Variants in EXOC6B observed in about 807,000 individuals in gnomAD.
EXOC6B encodes exocyst complex component 6B, also known as SEC15 homolog B.
Under a neutral mutation model 113.5 loss-of-function variants are expected in EXOC6B, and 54 were observed. The ratio of observed to expected loss-of-function variants is 0.48; its 90% CI spans 0.38 to 0.60. EXOC6B has a LOEUF of 0.60. Among genes scored for constraint, EXOC6B ranks in the 20% least tolerant of loss-of-function variants. The probability of loss-of-function intolerance (pLI) is 0.00; values close to 1 mark genes in which losing one functional copy is unlikely to be tolerated. For missense variants in EXOC6B, 797 were observed against 977.5 expected, an observed-to-expected ratio of 0.82 and a Z score of 2.46; for synonymous variants, 357 against 339.0, an observed-to-expected ratio of 1.05 and a Z score of -0.58.
chr2:72,373,058 G>T (rs914902650), intron 19 of EXOC6B, among the ~76,000 whole-genome samples: 1 of 151,170 alleles, frequency 6.6e-6, no homozygotes, highest in African/African-American at 2.4e-5. Flanking sequence ...TATCAGTCTC[G>T]GAAGACTTTT....
At chr2:72,252,696 G>A (rs1683099345) in intron 20 of EXOC6B, among the ~76,000 whole-genome samples, 1 of 152,096 alleles carries the variant, frequency 6.6e-6, no homozygotes, top group South Asian at 2.1e-4. Flanking sequence ...TACACATTAA[G>A]CACATTGACA....
intron 6 of EXOC6B, among the ~76,000 whole-genome samples, chr2:72,585,778 G>A (rs549264683): frequency 9.2e-5 from 14 of 151,868 alleles, no homozygotes; most frequent in African/African-American, 2.9e-4. Context: ...GACCAATATC[G>A]AGTTCCAAAA....
At chr2:72,796,742 T>C (rs971644855) in intron 1 of EXOC6B, among the ~76,000 whole-genome samples, 1 of 152,102 alleles carries the variant, frequency 6.6e-6, no homozygotes. Flanking sequence ...ATAGGCCCTC[T>C]ACCTTGCACG....
At chr2:72,545,604 T>C (rs1026434638) in intron 8 of EXOC6B, among the ~76,000 whole-genome samples, 7 of 152,176 alleles carry the variant, frequency 4.6e-5, no homozygotes, top group Non-Finnish European at 1.0e-4. Flanking sequence ...CATAACGAGG[T>C]GTTTTCCCCA....
At chr2:72,814,242 C>T (rs560701820) in intron 1 of EXOC6B, among the ~76,000 whole-genome samples, 229 of 152,314 alleles carry the variant, frequency 1.5e-3, no homozygotes, top group African/African-American at 5.4e-3. Flanking sequence ...TGGCCTTCAT[C>T]ATTTATCTAA....
chr2:72,623,396 G>A (rs1671863938), intron 6 of EXOC6B, among the ~76,000 whole-genome samples: 1 of 152,102 alleles, frequency 6.6e-6, no homozygotes, highest in Admixed American at 6.6e-5. Context: ...CATTTATTTA[G>A]ACACCAGGGT....
At chr2:72,526,484 A>T (rs1701750503) in intron 8 of EXOC6B, among the ~76,000 whole-genome samples, 1 of 152,034 alleles carries the variant, frequency 6.6e-6, no homozygotes, top group African/African-American at 2.4e-5. Flanking sequence ...TGGATATTTT[A>T]TTAAAGACAC....
At chr2:72,686,112 CT>C (rs756044982) in intron 6 of EXOC6B, among the ~76,000 whole-genome samples, 1 of 152,174 alleles carries the variant, frequency 6.6e-6, no homozygotes, top group African/African-American at 2.4e-5. Flanking sequence ...TGATAATTCC[CT>C]TTTTTTTCCC....
chr2:72,486,032 T>TTTA (rs1699404140), intron 16 of EXOC6B, among the ~76,000 whole-genome samples: 2 of 152,196 alleles, frequency 1.3e-5, no homozygotes, highest in Non-Finnish European at 2.9e-5. Flanking sequence ...AGTATTGATA[T>TTTA]GAACTGATAT....
chr2:72,668,502 A>C (rs1460393162), intron 6 of EXOC6B, among the ~76,000 whole-genome samples: 1 of 152,200 alleles, frequency 6.6e-6, no homozygotes, highest in Non-Finnish European at 1.5e-5. Context: ...AACAGCAAAA[A>C]AATGGAGTCA....
At chr2:72,547,033 T>C (rs1250046014) in intron 8 of EXOC6B, among the ~76,000 whole-genome samples, 2 of 152,234 alleles carry the variant, frequency 1.3e-5, no homozygotes, top group Non-Finnish European at 2.9e-5. Context: ...GCCTCTGAAA[T>C]TTTAAGCCAA....
intron 18 of EXOC6B, among the ~76,000 whole-genome samples, chr2:72,383,491 T>TA (rs1691815740): frequency 6.6e-6 from 1 of 151,010 alleles, no homozygotes; most frequent in African/African-American, 2.4e-5. Context: ...AAAAAAAAAT[T>TA]AAAAAAACAG....
chr2:72,465,485 A>C, intron 17 of EXOC6B, 146 bp from the exon 18 acceptor site: 1 of 649,790 alleles, frequency 1.5e-6, no homozygotes, highest in Non-Finnish European at 2.5e-6. Flanking sequence ...GTCTTCTTTA[A>C]TTTTTTCTTT....
chr2:72,718,031 G>T, intron 6 of EXOC6B, 72 bp downstream of exon 6: 2 of 1,146,312 alleles, frequency 1.7e-6, no homozygotes, highest in Non-Finnish European at 2.5e-6. Context: ...TAGACACTTG[G>T]CAAAGAGAAA....
At chr2:72,559,406 T>C (rs773378635) in intron 8 of EXOC6B, 47 bp downstream of exon 8, 1 of 1,364,614 alleles carries the variant, frequency 7.3e-7, no homozygotes, top group Non-Finnish European at 9.8e-7. Context: ...AGCAAAGTTT[T>C]GAACTCAATG....
intron 2 of EXOC6B, 68 bp downstream of exon 2, chr2:72,741,236 T>C: frequency 6.9e-7 from 1 of 1,454,532 alleles, no homozygotes; most frequent in South Asian, 1.3e-5. Context: ...TTATAATCCT[T>C]AATCCTTTAA....
intron 20 of EXOC6B, among the ~76,000 whole-genome samples, chr2:72,249,812 A>T (rs1682894585): frequency 6.6e-6 from 1 of 152,196 alleles, no homozygotes; most frequent in African/African-American, 2.4e-5. Context: ...TGGTTGGTAG[A>T]CATTTACCTA....
rs560489738 is a variant in EXOC6B, at chr2:72,701,396, A to C, written c.669+16707T>G. Among the ~76,000 whole-genome samples, 4 of 152,162 alleles carry C rather than the reference A, an allele frequency of 2.6e-5. No homozygotes were observed. The South Asian group carries it at 8.3e-4, about 32-fold the overall frequency. ...GAGAAAAAATTCCACCTGGGATTTC[A>C]AAGATAAATTGTATCTAGAGATATC... On this transcript the variant is annotated intron_variant, in intron 6 of 21. Transcript: ENST00000272427.
chr2:72,200,836 T>C (rs538724761), intron 20 of EXOC6B, among the ~76,000 whole-genome samples: 24 of 152,198 alleles, frequency 1.6e-4, no homozygotes, highest in African/African-American at 5.5e-4. Context: ...AATTAAAAAA[T>C]AAAAATAAAA....
Sources: gnomAD v4.1 joint callset for allele counts (sites outside exome capture counted in the v4.1 genomes callset) on GRCh38, gnomAD v4.1.1 for gene constraint, MANE v1.5 for transcripts, NCBI Gene and HGNC (gene_info 2026-07-23, HGNC 2026-07-21) for gene names.